The following ATF7IP2 variants were observed in gnomAD, a reference collection of about 807,000 sequenced individuals.
ATF7IP2 encodes activating transcription factor 7 interacting protein 2.
Under a neutral mutation model 64.2 loss-of-function variants are expected in ATF7IP2, and 42 were observed. The observed-to-expected ratio is 0.65, with a 90% CI of 0.51 to 0.85. The LOEUF is 0.85. ATF7IP2 is among the 40% of genes least tolerant of loss of function. The pLI is 0.00. For missense variants in ATF7IP2, 933 were observed against 784.2 expected (o/e 1.19, Z -2.27); for synonymous variants, 308 against 272.8 (o/e 1.13, Z -1.27).
At chr16:10,431,741 T>C (rs1006728151) in intron 5 of ATF7IP2, among the ~76,000 whole-genome samples, 1 of 152,158 alleles carries the variant, frequency 6.6e-6, no homozygotes, top group Non-Finnish European at 1.5e-5. Context: ...ATACATCTCT[T>C]CTTATTTTGA....
At chr16:10,475,275 G>A (rs60785818) in intron 12 of ATF7IP2, among the ~76,000 whole-genome samples, 27,596 of 152,194 alleles carry the variant, frequency 0.18, 2,706 homozygotes, top group African/African-American at 0.25. Context: ...GTGGTGTCAC[G>A]TTATTTGAAG....
At chr16:10,391,640 G>A (rs2047326583) in intron 1 of ATF7IP2, among the ~76,000 whole-genome samples, 1 of 152,138 alleles carries the variant, frequency 6.6e-6, no homozygotes, top group African/African-American at 2.4e-5. Flanking sequence ...GCTCATGCCT[G>A]TAATCCCAGC....
At chr16:10,472,876 T>G (rs1177341041) in intron 10 of ATF7IP2, among the ~76,000 whole-genome samples, 1 of 150,020 alleles carries the variant, frequency 6.7e-6, no homozygotes, top group East Asian at 2.0e-4. Flanking sequence ...AAAAAAAAAT[T>G]TTAACCTTAC....
chr16:10,440,547 T>A, intron 8 of ATF7IP2, 85 bp downstream of exon 8: 1 of 804,398 alleles, frequency 1.2e-6, no homozygotes, highest in Non-Finnish European at 2.0e-6. Context: ...ATTTCCAGGC[T>A]AGGACAGAAG....
intron 5 of ATF7IP2, among the ~76,000 whole-genome samples, chr16:10,432,617 C>T (rs563917641): frequency 1.3e-5 from 2 of 152,104 alleles, no homozygotes; most frequent in Admixed American, 6.6e-5. Flanking sequence ...GAATACAATC[C>T]CAGCACTTTG....
intron 8 of ATF7IP2, among the ~76,000 whole-genome samples, chr16:10,442,482 C>T (rs1211869557): frequency 3.3e-5 from 5 of 152,156 alleles, no homozygotes; most frequent in Admixed American, 3.3e-4. Flanking sequence ...TATGATACAG[C>T]AGCCAGTGGG....
chr16:10,413,573 C>A (rs2047814111), intron 1 of ATF7IP2, among the ~76,000 whole-genome samples: 1 of 151,976 alleles, frequency 6.6e-6, no homozygotes, highest in South Asian at 2.1e-4. Flanking sequence ...CTGTTTGTTG[C>A]CTTTATACCT....
chr16:10,412,025 T>G (rs1309110133), intron 1 of ATF7IP2, among the ~76,000 whole-genome samples: 5 of 145,526 alleles, frequency 3.4e-5, no homozygotes, highest in Admixed American at 6.8e-5. Context: ...TTTTTTTTTT[T>G]TTTTTTTTTT....
chr16:10,394,305 A>G (rs2047382874), intron 1 of ATF7IP2, among the ~76,000 whole-genome samples: 1 of 152,268 alleles, frequency 6.6e-6, no homozygotes, highest in Non-Finnish European at 1.5e-5. Context: ...GGGACATTCT[A>G]TAATGACAGA....
At chr16:10,415,126 A>G (rs1156793550) in intron 2 of ATF7IP2, among the ~76,000 whole-genome samples, 1 of 152,228 alleles carries the variant, frequency 6.6e-6, no homozygotes, top group African/African-American at 2.4e-5. Context: ...AGAGAAAACA[A>G]TCCTAAAATT....
At chr16:10,436,254 A>G (rs907356966) in intron 6 of ATF7IP2, among the ~76,000 whole-genome samples, 11 of 152,168 alleles carry the variant, frequency 7.2e-5, no homozygotes, top group Admixed American at 7.2e-4. Context: ...CTCAGCTACT[A>G]GGAAGGCTGA....
chr16:10,437,494 C>G (rs2048461525), intron 6 of ATF7IP2, among the ~76,000 whole-genome samples: 1 of 152,112 alleles, frequency 6.6e-6, no homozygotes, highest in Admixed American at 6.5e-5. Flanking sequence ...TTATGGTGCT[C>G]TTTTGCGTAT....
chr16:10,470,090 A>G (rs1348450611), intron 9 of ATF7IP2, among the ~76,000 whole-genome samples: 1 of 152,216 alleles, frequency 6.6e-6, no homozygotes, highest in Non-Finnish European at 1.5e-5. Context: ...GTACAAAGTA[A>G]TATAGACTGA....
At chr16:10,462,427 T>C (rs2049405142) in intron 9 of ATF7IP2, among the ~76,000 whole-genome samples, 1 of 152,146 alleles carries the variant, frequency 6.6e-6, no homozygotes, top group East Asian at 1.9e-4. Context: ...TATCCGGAAA[T>C]GACTTCATTT....
chr16:10,415,949 A>G (rs2047865818), intron 2 of ATF7IP2, among the ~76,000 whole-genome samples: 1 of 152,258 alleles, frequency 6.6e-6, no homozygotes, highest in Admixed American at 6.5e-5. Context: ...GACAGGTAAT[A>G]TGAAATGCAG....
intron 7 of ATF7IP2, among the ~76,000 whole-genome samples, chr16:10,440,096 G>A (rs2048562233): frequency 6.6e-6 from 1 of 151,940 alleles, no homozygotes; most frequent in South Asian, 2.1e-4. Context: ...GGAGGCAGAG[G>A]TTGCAGTGAG....
chr16:10,474,742 A>T (rs552061356), intron 12 of ATF7IP2, among the ~76,000 whole-genome samples: 1 of 152,368 alleles, frequency 6.6e-6, no homozygotes, highest in African/African-American at 2.4e-5. Flanking sequence ...AACATAGTCA[A>T]GTTCCTGAAA....
Position 10,431,009 on chromosome 16 carries a change from T to C in ATF7IP2, c.389T>C (p.Phe130Ser). Residue 130 changes from phenylalanine (F) to serine (S), a missense_variant, in exon 5 of 14, where the codon TTC becomes TCC. Physicochemically the swap from Phe to Ser is radical, Grantham distance 155 (BLOSUM62 -2). Coordinates refer to ENST00000562102, the MANE Select transcript of ATF7IP2 (RefSeq NM_001393719.1). ...SRTTESPSRVFTEEAKDSLNT... is the reference protein window; with the variant it reads ...SRTTESPSRVSTEEAKDSLNT... ...ACAACAGAATCCCCCAGCAGAGTCT[T>C]CACAGAAGAGGCAAAAGATTCACTG... 3.1e-6 allele frequency: 5 copies of C among 1,614,172 alleles called. No homozygotes were observed. The highest frequency in any genetic ancestry group is 4.2e-6 in the Non-Finnish European group (5 of 1,180,030).
At chr16:10,465,705 C>A (rs185871551) in intron 9 of ATF7IP2, among the ~76,000 whole-genome samples, 1 of 149,384 alleles carries the variant, frequency 6.7e-6, no homozygotes, top group African/African-American at 2.5e-5. Context: ...CACCACTGCA[C>A]TCCAGCCTGG....
Sources: gnomAD v4.1 joint callset for allele counts (sites outside exome capture counted in the v4.1 genomes callset) on GRCh38, gnomAD v4.1.1 for gene constraint, MANE v1.5 for transcripts, NCBI Gene and HGNC (gene_info 2026-07-23, HGNC 2026-07-21) for gene names.